The following AKAP17A variants were observed in gnomAD, a reference collection of about 807,000 sequenced individuals.
AKAP17A encodes the protein A-kinase anchor protein 17A.
Under a neutral mutation model 52.2 loss-of-function variants are expected in AKAP17A, and 15 were observed. The observed-to-expected ratio is 0.29, with a 90% CI of 0.19 to 0.44. The LOEUF (loss-of-function observed/expected upper bound fraction) is 0.44. Ranked by LOEUF, AKAP17A falls within the 20% of genes least tolerant of loss-of-function variation. The probability of loss-of-function intolerance (pLI) is 1.00; values close to 1 mark genes in which losing one functional copy is unlikely to be tolerated. For missense variants in AKAP17A, 1,060 were observed against 1,007.0 expected (o/e 1.05, Z -0.71); for synonymous variants, 514 against 424.7 (o/e 1.21, Z -2.58).
intron 4 of AKAP17A, chrX:1,599,776 C>T (rs1933252510): frequency 8.3e-6 from 5 of 605,870 alleles, no homozygotes; most frequent in East Asian, 5.5e-5. Context: ...CTGGCCCGCG[C>T]CTCTGTGTGT....
At position 1,601,327 on chromosome X, in the gene AKAP17A, G is replaced by A. The variant is rs761198334; in HGVS notation, c.1821G>A (p.Arg607=). 1.9e-6 allele frequency: 3 copies of A among 1,601,604 alleles called. No individual in the cohort carries two copies. Among genetic ancestry groups the A allele is most frequent in the Non-Finnish European group, 2.6e-6 (3 of 1,176,074 alleles). ...DRHKRERSRA[R]RASSREDGRP... ...ACAAGCGGGAGAGGAGCCGGGCCAGGCGGGCCAGCAGCAGGGAGGACGGGA... is the reference window on the plus strand; with the variant it reads ...ACAAGCGGGAGAGGAGCCGGGCCAGACGGGCCAGCAGCAGGGAGGACGGGA... Residue 607 remains arginine, a synonymous_variant, in exon 5 of 5, where the codon AGG becomes AGA. Coordinates refer to ENST00000313871, the MANE Select transcript of AKAP17A (RefSeq NM_005088.3).
Position 1,601,349 on chromosome X carries a change from G to T in AKAP17A, c.1843G>T (p.Gly615Trp). The T allele has an allele frequency of 1.3e-6, 2 of 1,592,452 alleles. No individual in the cohort carries two copies. Residue 615 changes from glycine (G) to tryptophan (W), a missense_variant, in exon 5 of 5, where the codon GGG becomes TGG. Gly to Trp is a radical substitution (Grantham distance 184). This residue lies in a region of AKAP17A where 793 missense variants were observed against 629.9 expected (regional missense o/e 1.26). Coordinates refer to ENST00000313871, the MANE Select transcript of AKAP17A (RefSeq NM_005088.3). ...RARRASSRED[G>W]RPRKERRPHK... is the part of the protein sequence containing the mutation. ...CAGGCGGGCCAGCAGCAGGGAGGACGGGAGGCCACGCAAGGAGCGGCGGCC... is the reference window on the plus strand; with the variant it reads ...CAGGCGGGCCAGCAGCAGGGAGGACTGGAGGCCACGCAAGGAGCGGCGGCC...
At chrX:1,593,380 C>T (rs1379892615) in intron 1 of AKAP17A, 64 bp from the exon 2 acceptor site, 4 of 1,523,820 alleles carry the variant, frequency 2.6e-6, no homozygotes, top group Admixed American at 3.6e-5. Flanking sequence ...GCTGGCTTGG[C>T]CCCTCCTCAT....
chrX:1,593,394 C>G, intron 1 of AKAP17A, 50 bp from the exon 2 acceptor site: 3 of 1,545,324 alleles, frequency 1.9e-6, no homozygotes, highest in Non-Finnish European at 2.6e-6. Context: ...TCCTCATTGG[C>G]GGGGGAGGTG....
chrX:1,592,105 A>C (rs1391573952), intron 1 of AKAP17A, among the ~76,000 whole-genome samples: 7 of 150,362 alleles, frequency 4.7e-5, no homozygotes, highest in African/African-American at 1.7e-4. Flanking sequence ...GCGGGAGACT[A>C]GGAGGCCTGG....
At chrX:1,596,225 T>TA (rs1427947153) in intron 3 of AKAP17A, among the ~76,000 whole-genome samples, 29 of 68,322 alleles carry the variant, frequency 4.2e-4, no homozygotes, top group Admixed American at 1.1e-3. Flanking sequence ...ATGGCCAGAT[T>TA]TAAAAAAAAA....
chrX:1,593,967 C>A lies in AKAP17A; in HGVS notation c.505C>A (p.Pro169Thr). Reference sequence around the variant, plus strand: ...CCTGAAGGAGTCGGGCTCCGAGAAGCCCAGCGAGGACGTCCTGGTCAAGGT... The same window carrying A: ...CCTGAAGGAGTCGGGCTCCGAGAAGACCAGCGAGGACGTCCTGGTCAAGGT... ...FALKESGSEK[P>T]SEDVLVKVFE... Residue 169 changes from proline to threonine, a missense_variant, in exon 2 of 5, where the codon CCC becomes ACC. Around this residue, in one of 2 missense-constraint regions of AKAP17A, gnomAD observed 267 missense variants for 377.1 expected, o/e 0.71. Coordinates refer to ENST00000313871, the MANE Select transcript of AKAP17A (RefSeq NM_005088.3). 6.2e-7 allele frequency: 1 copy of A among 1,602,610 alleles called. No individual in the cohort carries two copies. Among genetic ancestry groups the A allele is most frequent in the Non-Finnish European group, 8.5e-7 (1 of 1,173,248 alleles).
At chrX:1,598,737 G>C (rs1462700085) in intron 3 of AKAP17A, among the ~76,000 whole-genome samples, 1 of 152,210 alleles carries the variant, frequency 6.6e-6, no homozygotes, top group African/African-American at 2.4e-5. Flanking sequence ...TGCCAGTGCT[G>C]TGTGGTGCCC....
At chrX:1,594,280 C>T in intron 2 of AKAP17A, 56 bp downstream of exon 2, 1 of 1,491,364 alleles carries the variant, frequency 6.7e-7, no homozygotes, top group South Asian at 1.4e-5. Context: ...GACTTCCTTC[C>T]AGCAGGGTCA....
In AKAP17A at chrX:1,601,659, G is replaced by A. The variant is rs1309431505; in HGVS notation, c.*65G>A. ...CAGGACCTGCTCGAGCCTCCTGGCC[G>A]CTCCTTGGCCGCTCTCCGTCCACCC... is the stretch of plus-strand genomic sequence containing the variant. On this transcript the variant is annotated 3_prime_UTR_variant, in exon 5 of 5. Transcript: ENST00000313871. 3.2e-5 allele frequency: 43 copies of A among 1,332,668 alleles called. No individual in the cohort carries two copies. The highest frequency in any genetic ancestry group is 2.7e-4 in the Middle Eastern group (1 of 3,644). 82.6% of individuals were successfully genotyped at this position (1,332,668 alleles called of 1,614,324 possible).
At chrX:1,597,994 G>A (rs1297962631) in intron 3 of AKAP17A, among the ~76,000 whole-genome samples, 4 of 152,162 alleles carry the variant, frequency 2.6e-5, no homozygotes, top group Non-Finnish European at 5.9e-5. Flanking sequence ...ATGAGGGGAG[G>A]CCCAGGGCAG....
chrX:1,593,637 G>A lies in AKAP17A; in HGVS notation c.175G>A (p.Val59Met). Reference sequence around the variant, plus strand: ...GGTGATGGAGAGGCTGAAGGGCATGGTGCAGAACCACCAGTTCTCCACGCT... The same window carrying A: ...GGTGATGGAGAGGCTGAAGGGCATGATGCAGAACCACCAGTTCTCCACGCT... Reference protein sequence around the residue: ...WEVMERLKGMVQNHQFSTLRI... With the variant: ...WEVMERLKGMMQNHQFSTLRI... The change falls in exon 2 of 5, where the codon GTG becomes ATG. Residue 59 changes from valine (V) to methionine (M), a missense_variant. Transcript: ENST00000313871. 6.2e-7 allele frequency: 1 copy of A among 1,613,898 alleles called. No individual in the cohort carries two copies. The highest frequency in any genetic ancestry group is 8.5e-7 in the Non-Finnish European group (1 of 1,179,868).
intron 4 of AKAP17A, chrX:1,599,905 C>T (rs1240324726): frequency 5.5e-6 from 3 of 546,358 alleles, no homozygotes; most frequent in African/African-American, 3.8e-5. Flanking sequence ...TCCTCCGCAG[C>T]GTGAACCTGA....
Position 1,593,675 on chromosome X carries a change from G to A in AKAP17A, c.213G>A (p.Lys71=). ...AGTTCTCCACGCTGCGTATTTCCAAGAGCACCATGGACTTCATCCGCTTCG... is the reference window on the plus strand; with the variant it reads ...AGTTCTCCACGCTGCGTATTTCCAAAAGCACCATGGACTTCATCCGCTTCG... ...NHQFSTLRIS[K]STMDFIRFEG... Residue 71 remains lysine, a synonymous_variant, in exon 2 of 5, where the codon AAG becomes AAA. Coordinates refer to ENST00000313871, the MANE Select transcript of AKAP17A (RefSeq NM_005088.3). The A allele has an allele frequency of 3.7e-6, 6 of 1,613,942 alleles. No individual in the cohort carries two copies. Among genetic ancestry groups the A allele is most frequent in the Non-Finnish European group, 5.1e-6 (6 of 1,179,874 alleles).
At chrX:1,594,295 A>G in intron 2 of AKAP17A, 71 bp downstream of exon 2, 3 of 1,482,874 alleles carry the variant, frequency 2.0e-6, no homozygotes, top group Non-Finnish European at 1.8e-6. Context: ...GGGTCAGCAG[A>G]ACGCTCCCAG....
chrX:1,593,484 C>A lies in AKAP17A; in HGVS notation c.22C>A (p.His8Asn). Residue 8 changes from histidine to asparagine, a missense_variant, in exon 2 of 5, where the codon CAC (histidine) becomes AAC (asparagine). By Grantham distance (68) the His-to-Asn change is moderately conservative. Transcript: ENST00000313871. MAAATIV[H>N]DTSEAVELCP... ...GGCTATGGCAGCGGCTACCATCGTG[C>A]ACGACACGTCTGAGGCCGTGGAGCT... The A allele has an allele frequency of 6.2e-7, 1 of 1,613,430 alleles. No homozygotes were observed. The highest frequency in any genetic ancestry group is 8.5e-7 in the Non-Finnish European group (1 of 1,179,684).
intron 3 of AKAP17A, among the ~76,000 whole-genome samples, chrX:1,596,112 C>T (rs1236628597): frequency 9.2e-5 from 14 of 151,778 alleles, no homozygotes. Flanking sequence ...CCTCCACATG[C>T]TGTTCACACC....
rs747861075 is a variant in AKAP17A, at chrX:1,593,674, A to G, written c.212A>G (p.Lys71Arg). The change falls in exon 2 of 5, where the codon AAG (lysine) becomes AGG (arginine). Residue 71 changes from lysine (K) to arginine (R), a missense_variant. This residue lies in a region of AKAP17A where 267 missense variants were observed against 377.1 expected (regional missense o/e 0.71). Coordinates refer to ENST00000313871, the MANE Select transcript of AKAP17A (RefSeq NM_005088.3). ...NHQFSTLRIS[K>R]STMDFIRFEG... Reference sequence around the variant, plus strand: ...CAGTTCTCCACGCTGCGTATTTCCAAGAGCACCATGGACTTCATCCGCTTC... The same window carrying G: ...CAGTTCTCCACGCTGCGTATTTCCAGGAGCACCATGGACTTCATCCGCTTC... 6.2e-7 allele frequency: 1 copy of G among 1,613,832 alleles called. No individual in the cohort carries two copies. Among genetic ancestry groups the G allele is most frequent in the Non-Finnish European group, 8.5e-7 (1 of 1,179,868 alleles).
rs553882759 is a variant in AKAP17A at position 1,595,251 on chromosome X, T to TGGTGAGC, written c.763-116_763-110dup. 55 of 211,248 alleles carry TGGTGAGC rather than the reference T, an allele frequency of 2.6e-4. 15 individuals are homozygous for TGGTGAGC. Among genetic ancestry groups the TGGTGAGC allele is most frequent in the East Asian group, 8.3e-4 (4 of 4,802 alleles). 13.1% of individuals were successfully genotyped at this position (211,248 alleles called of 1,614,324 possible). A position where few individuals can be genotyped will look rare whatever the true frequency, so the allele number is the denominator to read the frequency against. ...TGTCTGGGTCTGCACCGGACATGAG[T>TGGTGAGC]GGTGAGCGGTGAGCGGTGAGCGGGC... On this transcript the variant is annotated intron_variant, in intron 2 of 4. Transcript: ENST00000313871.
Sources: allele counts gnomAD v4.1 joint callset (sites outside exome capture counted in the v4.1 genomes callset), GRCh38; gene constraint gnomAD v4.1.1; regional missense constraint gnomAD v4.1.1; transcripts MANE v1.5; gene names NCBI Gene and HGNC (gene_info 2026-07-23, HGNC 2026-07-21).